The following SH3BGRL2 variants were observed in gnomAD, a reference collection of about 807,000 sequenced individuals.
SH3BGRL2 encodes the protein SH3 domain binding glutamate rich protein like 2, also known as SH3 domain-binding glutamic acid-rich-like protein 2.
A neutral mutation model predicts 14.8 loss-of-function variants in SH3BGRL2; 21 were observed. The observed-to-expected ratio is 1.42, with a 90% CI of 1.01 to 2.05. SH3BGRL2 has a LOEUF of 2.05. Among genes scored for constraint, SH3BGRL2 ranks in the 30% most tolerant of loss-of-function variants. The probability of loss-of-function intolerance (pLI) is 0.00; values close to 1 mark genes in which losing one functional copy is unlikely to be tolerated. For synonymous variants in SH3BGRL2, 50 were observed against 47.8 expected (o/e 1.05, Z -0.19); for missense variants, 147 against 130.8 (o/e 1.12, Z -0.61).
chr6:79,663,866 C>A (rs6938811), intron 1 of SH3BGRL2, among the ~76,000 whole-genome samples: 46,823 of 152,124 alleles, frequency 0.31, 7,903 homozygotes, highest in South Asian at 0.46. Flanking sequence ...ACTCAAGCCT[C>A]CCCAGTGGCG....
the SH3BGRL2 span, among the ~76,000 whole-genome samples, chr6:79,590,424 GATATATATATAT>G: frequency 0.022 from 1,482 of 66,678 alleles, 40 homozygotes; most frequent in East Asian, 0.092. Flanking sequence ...AAGAAAATGT[GATATATATATAT>G]ATATATATAT....
chr6:79,654,999 G>A (rs1375842894), intron 1 of SH3BGRL2, among the ~76,000 whole-genome samples: 1 of 152,068 alleles, frequency 6.6e-6, no homozygotes. Flanking sequence ...TCTTATAAAG[G>A]GGGAATTAAT....
At chr6:79,678,358 A>G (rs1203816857) in intron 2 of SH3BGRL2, among the ~76,000 whole-genome samples, 1 of 152,150 alleles carries the variant, frequency 6.6e-6, no homozygotes, top group Non-Finnish European at 1.5e-5. Flanking sequence ...TATCTACTTC[A>G]GATACTTCAA....
chr6:79,544,327 G>T, the SH3BGRL2 span, among the ~76,000 whole-genome samples: 41 of 152,304 alleles, frequency 2.7e-4, no homozygotes, highest in African/African-American at 8.9e-4. Context: ...AGGAAACTGA[G>T]TCCCAGTGAG....
At chr6:79,639,573 A>G (rs1196532596) in intron 1 of SH3BGRL2, among the ~76,000 whole-genome samples, 1 of 152,176 alleles carries the variant, frequency 6.6e-6, no homozygotes, top group Admixed American at 6.5e-5. Context: ...CTGGGTGACA[A>G]AGTGAGACCT....
At chr6:79,578,743 C>A in the SH3BGRL2 span, among the ~76,000 whole-genome samples, 1 of 152,060 alleles carries the variant, frequency 6.6e-6, no homozygotes, top group Non-Finnish European at 1.5e-5. Context: ...TGCCTCTTCT[C>A]CCACAAAGGA....
In SH3BGRL2 at chr6:79,671,233, G is replaced by A. The variant is rs1233936776; in HGVS notation, c.46-2381G>A. ...TATAATCCCAGCACTTTGCGAGGCC[G>A]AGGCAGGCAGATCACCTGAGGTCGG... On this transcript the variant is annotated intron_variant, in intron 1 of 3. Coordinates refer to ENST00000369838, the MANE Select transcript of SH3BGRL2 (RefSeq NM_031469.4). Among the ~76,000 whole-genome samples, 7 of 152,250 alleles carry A rather than the reference G, an allele frequency of 4.6e-5. No homozygotes were observed. In the South Asian group the frequency reaches 6.2e-4, roughly 14 times the overall value.
intron 1 of SH3BGRL2, among the ~76,000 whole-genome samples, chr6:79,668,653 T>G (rs539106924): frequency 6.6e-6 from 1 of 152,054 alleles, no homozygotes; most frequent in South Asian, 2.1e-4. Flanking sequence ...GGGAAGCAGA[T>G]TCAGGGAAAT....
At chr6:79,631,119 G>A (rs1768812931), upstream of SH3BGRL2, among the ~76,000 whole-genome samples, 1 of 152,158 alleles carries the variant, frequency 6.6e-6, no homozygotes, top group African/African-American at 2.4e-5. Flanking sequence ...CTTCTGCCCG[G>A]GCTGTGGCTC....
At chr6:79,553,914 G>A in the SH3BGRL2 span, among the ~76,000 whole-genome samples, 6 of 151,568 alleles carry the variant, frequency 4.0e-5, no homozygotes, top group African/African-American at 1.5e-4. Flanking sequence ...GTTGCAGTGA[G>A]CCGAGATTGT....
At chr6:79,555,803 C>T in the SH3BGRL2 span, among the ~76,000 whole-genome samples, 2 of 151,976 alleles carry the variant, frequency 1.3e-5, no homozygotes, top group Non-Finnish European at 2.9e-5. Flanking sequence ...CCACCGCGCC[C>T]GGCCCAAACT....
chr6:79,585,982 G>T, the SH3BGRL2 span, among the ~76,000 whole-genome samples: 1 of 151,884 alleles, frequency 6.6e-6, no homozygotes. Flanking sequence ...GATCACCTGA[G>T]CTCAGGAGTT....
chr6:79,570,589 C>T, the SH3BGRL2 span, among the ~76,000 whole-genome samples: 2 of 152,214 alleles, frequency 1.3e-5, no homozygotes, highest in Non-Finnish European at 2.9e-5. Context: ...CCTCCTCTAT[C>T]TGTCCTTGTG....
the SH3BGRL2 span, among the ~76,000 whole-genome samples, chr6:79,585,420 A>G: frequency 6.6e-6 from 1 of 152,242 alleles, no homozygotes; most frequent in Non-Finnish European, 1.5e-5. Flanking sequence ...TATCTCTAAC[A>G]TTTATGAAAA....
chr6:79,623,715 CTT>C, the SH3BGRL2 span, among the ~76,000 whole-genome samples: 1 of 152,240 alleles, frequency 6.6e-6, no homozygotes, highest in Non-Finnish European at 1.5e-5. Context: ...AAGGTGAAGA[CTT>C]AATTGTTCTT....
chr6:79,692,138 G>T (rs1185154327), intron 2 of SH3BGRL2, among the ~76,000 whole-genome samples: 1 of 152,136 alleles, frequency 6.6e-6, no homozygotes, highest in Non-Finnish European at 1.5e-5. Flanking sequence ...GAGTTTTTTG[G>T]CTGCATAAAT....
At chr6:79,694,846 T>C (rs778339791) in intron 2 of SH3BGRL2, among the ~76,000 whole-genome samples, 1 of 152,194 alleles carries the variant, frequency 6.6e-6, no homozygotes. Flanking sequence ...CTGCCACCAT[T>C]GCTTACTGCA....
intron 1 of SH3BGRL2, among the ~76,000 whole-genome samples, chr6:79,650,337 C>G (rs183545316): frequency 1.9e-4 from 29 of 152,050 alleles, no homozygotes; most frequent in Non-Finnish European, 4.1e-4. Context: ...ACTCAGTAGC[C>G]CAAGGAGGGA....
chr6:79,562,815 C>G, the SH3BGRL2 span, among the ~76,000 whole-genome samples: 7 of 152,056 alleles, frequency 4.6e-5, no homozygotes, highest in Middle Eastern at 3.4e-3. Context: ...AAAATCAAAA[C>G]AAAACAAAAC....
Sources: gnomAD v4.1 joint callset for allele counts (sites outside exome capture counted in the v4.1 genomes callset) on GRCh38, gnomAD v4.1.1 for gene constraint, MANE v1.5 for transcripts, NCBI Gene and HGNC (gene_info 2026-07-23, HGNC 2026-07-21) for gene names.